The following NID1 variants were observed in gnomAD, a reference collection of about 807,000 sequenced individuals.
NID1 encodes nidogen-1.
NID1 carries 76 observed loss-of-function variants against 130.6 expected under a neutral mutation model. That is an observed-to-expected ratio of 0.58 (90% CI 0.48 to 0.70). The LOEUF (loss-of-function observed/expected upper bound fraction) is 0.70, where lower values mean the gene tolerates loss of function less well. Ranked by LOEUF, NID1 falls within the 30% of genes least tolerant of loss-of-function variation. NID1 has a pLI of 0.00. For synonymous variants in NID1, 665 were observed against 675.1 expected (o/e 0.98, Z 0.23); for missense variants, 1,517 against 1,664.8 (o/e 0.91, Z 1.54).
intron 12 of NID1, among the ~76,000 whole-genome samples, chr1:236,011,329 G>A (rs1456289839): frequency 1.5e-5 from 2 of 133,746 alleles, no homozygotes; most frequent in African/African-American, 2.8e-5. Flanking sequence ...TTTTGAGGCA[G>A]TCCCACTCTG....
intron 5 of NID1, among the ~76,000 whole-genome samples, chr1:236,037,447 C>T (rs1179146247): frequency 6.6e-6 from 1 of 152,142 alleles, no homozygotes; most frequent in Non-Finnish European, 1.5e-5. Flanking sequence ...TATTTGAGGT[C>T]AGGAGTTTGA....
chr1:235,991,658 T>A (rs1006118875), intron 13 of NID1, among the ~76,000 whole-genome samples: 1 of 151,662 alleles, frequency 6.6e-6, no homozygotes, highest in Non-Finnish European at 1.5e-5. Context: ...AGAAAAGCTT[T>A]GGCTACCCAT....
intron 1 of NID1, among the ~76,000 whole-genome samples, chr1:236,054,359 G>A (rs751908368): frequency 1.3e-5 from 2 of 152,078 alleles, no homozygotes; most frequent in Non-Finnish European, 2.9e-5. Flanking sequence ...GGGAGGCTGA[G>A]GCAGGAGAAT....
chr1:236,041,241 T>C (rs141094220), intron 4 of NID1, among the ~76,000 whole-genome samples: 4,387 of 152,102 alleles, frequency 0.029, 196 homozygotes, highest in African/African-American at 0.097. Context: ...CTAATTTTTG[T>C]ATTTTTAGTA....
chr1:236,042,699 G>A (rs1572615522), intron 3 of NID1, among the ~76,000 whole-genome samples: 1 of 152,170 alleles, frequency 6.6e-6, no homozygotes, highest in African/African-American at 2.4e-5. Context: ...CCATGACATG[G>A]TATGATACAA....
chr1:236,017,390 T>A, intron 9 of NID1, 117 bp from the exon 10 acceptor site: 1 of 665,594 alleles, frequency 1.5e-6, no homozygotes. Context: ...CAAAATTTTC[T>A]TTTTTTTTTT....
intron 1 of NID1, among the ~76,000 whole-genome samples, chr1:236,054,769 G>A: frequency 6.6e-6 from 1 of 151,372 alleles, no homozygotes; most frequent in East Asian, 2.0e-4. Flanking sequence ...AGCCTCCCGA[G>A]TAGCTGGGAC....
At chr1:236,038,431 G>A (rs1048868627) in intron 4 of NID1, among the ~76,000 whole-genome samples, 178 bp from the exon 5 acceptor site, 23 of 152,112 alleles carry the variant, frequency 1.5e-4, no homozygotes, top group East Asian at 7.7e-4. Flanking sequence ...AAATAGTTAC[G>A]TGAGCCTGGG....
Position 236,024,212 on chromosome 1 carries a change from T to C in NID1, c.1986A>G (p.Glu662=). The stretch of plus-strand genomic sequence containing the variant: ...GATTCTGAAGAGCATCAGGGGAGCC[T>C]TCTGTGAAGACAGAGACATTGGAAC... The part of the protein sequence containing the change: ...ALSNSIGPVR[E]GSPDALQNPC... The change falls in exon 9 of 20, where the codon GAA becomes GAG. Residue 662 remains glutamate (E), a splice_region_variant and synonymous_variant. Transcript: ENST00000264187. 1 of 1,614,196 alleles carries C rather than the reference T, an allele frequency of 6.2e-7. No individual in the cohort carries two copies. Among genetic ancestry groups the C allele is most frequent in the Non-Finnish European group, 8.5e-7 (1 of 1,180,016 alleles).
chr1:236,009,878 C>T (rs555875276), intron 12 of NID1, among the ~76,000 whole-genome samples: 5 of 152,180 alleles, frequency 3.3e-5, no homozygotes, highest in Non-Finnish European at 5.9e-5. Context: ...CTTAAGGGAA[C>T]AAGATCCAAT....
At position 235,985,411 on chromosome 1, in the gene NID1, T is replaced by C. The variant is rs761305684; in HGVS notation, c.3023A>G (p.His1008Arg). The C allele has an allele frequency of 3.7e-5, 60 of 1,614,008 alleles. No homozygotes were observed. Among genetic ancestry groups the C allele is most frequent in the Admixed American group, 6.7e-5 (4 of 60,004 alleles). The change falls in exon 15 of 20, where the codon CAT becomes CGT. Residue 1008 changes from histidine (H) to arginine (R), a missense_variant. Coordinates refer to ENST00000264187, the MANE Select transcript of NID1 (RefSeq NM_002508.3). Reference sequence around the variant, plus strand: ...AATGATGGTGGTTGGCTCTCCACCATGTAGACTAGCTCTCCCAATGGAAGG... The same window carrying C: ...AATGATGGTGGTTGGCTCTCCACCACGTAGACTAGCTCTCCCAATGGAAGG... ...TEPSIGRASL[H>R]GGEPTTIIRQ...
chr1:236,051,901 A>G (rs138070974), intron 1 of NID1, among the ~76,000 whole-genome samples: 28 of 152,364 alleles, frequency 1.8e-4, no homozygotes, highest in Non-Finnish European at 3.2e-4. Flanking sequence ...GAATATTTCT[A>G]TTTTCACAAG....
chr1:236,054,097 T>C (rs138173725), intron 1 of NID1, among the ~76,000 whole-genome samples: 52 of 152,276 alleles, frequency 3.4e-4, no homozygotes, highest in Middle Eastern at 3.4e-3. Context: ...ATCTAGTTTC[T>C]TGAACAAATA....
chr1:236,008,901 G>C (rs1338170170), intron 12 of NID1, among the ~76,000 whole-genome samples: 1 of 151,962 alleles, frequency 6.6e-6, no homozygotes, highest in Non-Finnish European at 1.5e-5. Flanking sequence ...CCCCACCTCA[G>C]GTGATCCACC....
In NID1 at chr1:236,038,095, G is replaced by T; in HGVS notation, c.1285+9C>A. 1 of 1,588,876 alleles carries T rather than the reference G, an allele frequency of 6.3e-7. No individual in the cohort carries two copies. ...TCCCGCATGAAACGAACATAGAAAA[G>T]CAAATTACCTTCTGCAACACATTGC... On this transcript the variant is annotated intron_variant, in intron 5 of 19. Transcript: ENST00000264187.
chr1:236,034,980 TTTTC>T (rs1315370174), intron 5 of NID1, among the ~76,000 whole-genome samples: 3 of 113,818 alleles, frequency 2.6e-5, no homozygotes, highest in Non-Finnish European at 5.0e-5. Flanking sequence ...TTTCTTTTTT[TTTTC>T]TTTCTTTCTT....
chr1:236,038,802 A>G lies in NID1; in HGVS notation c.1136-549T>C, dbSNP rs1284973795. On this transcript the variant is annotated intron_variant, in intron 4 of 19. Coordinates refer to ENST00000264187, the MANE Select transcript of NID1 (RefSeq NM_002508.3). The stretch of plus-strand genomic sequence containing the variant: ...TACCTATGCTATATAGGTCATATAT[A>G]ATATATATTACCTATGTTATATAGG... 8.3e-5 allele frequency among the ~76,000 whole-genome samples: 10 copies of G among 120,648 alleles called. 1 individual carries two copies. The highest frequency in any genetic ancestry group is 3.5e-4 in the African/African-American group (10 of 28,866). The allele number at this position is 120,648 out of a possible 152,430, so 79.1% of individuals were successfully genotyped here.
intron 5 of NID1, among the ~76,000 whole-genome samples, chr1:236,037,818 C>A (rs1324585932): frequency 6.6e-6 from 1 of 152,188 alleles, no homozygotes; most frequent in Middle Eastern, 3.2e-3. Flanking sequence ...GCCTTTGTGG[C>A]CACACACCAC....
chr1:235,997,268 C>T (rs946378706), intron 12 of NID1, among the ~76,000 whole-genome samples: 13 of 152,142 alleles, frequency 8.5e-5, no homozygotes, highest in Non-Finnish European at 1.3e-4. Flanking sequence ...GTTACGACTA[C>T]GCAACTCTGT....
Sources: gnomAD v4.1 joint callset for allele counts (sites outside exome capture counted in the v4.1 genomes callset) on GRCh38, gnomAD v4.1.1 for gene constraint, MANE v1.5 for transcripts, NCBI Gene and HGNC (gene_info 2026-07-23, HGNC 2026-07-21) for gene names.